Variants in ZNF25 observed in about 807,000 individuals in gnomAD.
The protein encoded by ZNF25 is zinc finger protein 25, also known as zinc finger protein 25 (KOX 19).
In ZNF25, 21 loss-of-function variants were observed where a neutral mutation model predicts 30.9. That is an observed-to-expected ratio of 0.68 (90% CI 0.48 to 0.98). The LOEUF is 0.98. Ranked by LOEUF, ZNF25 falls within the 50% of genes least tolerant of loss-of-function variation. The probability of loss-of-function intolerance (pLI) is 0.00; values close to 1 mark genes in which losing one functional copy is unlikely to be tolerated. For synonymous variants in ZNF25, 169 were observed against 181.3 expected (o/e 0.93, Z 0.55); for missense variants, 501 against 529.9 (o/e 0.95, Z 0.54).
chr10:37,966,665 C>T (rs2063206821), intron 2 of ZNF25, among the ~76,000 whole-genome samples: 1 of 152,114 alleles, frequency 6.6e-6, no homozygotes, highest in Non-Finnish European at 1.5e-5. Flanking sequence ...TCAAGAACAG[C>T]AAGGGGGAAG....
intron 2 of ZNF25, among the ~76,000 whole-genome samples, chr10:37,960,663 A>ACCAGTAT (rs1487949208): frequency 6.7e-6 from 1 of 149,872 alleles, no homozygotes; most frequent in Non-Finnish European, 1.5e-5. Context: ...CTGTGGGAAC[A>ACCAGTAT]CCAGTATCCG....
At chr10:37,962,733 T>C (rs1487574774) in intron 2 of ZNF25, among the ~76,000 whole-genome samples, 1 of 152,074 alleles carries the variant, frequency 6.6e-6, no homozygotes, top group East Asian at 1.9e-4. Flanking sequence ...ATAGTTACAA[T>C]AGGCCCTACA....
In ZNF25 at chr10:37,951,069, C is replaced by T. The variant is rs1366619332; in HGVS notation, c.*1058G>A. 1 of 152,108 alleles carries T rather than the reference C, an allele frequency of 6.6e-6. No homozygotes were observed. The highest frequency in any genetic ancestry group is 2.4e-5 in the African/African-American group (1 of 41,402). The allele number at this position is 152,108 out of a possible 1,614,324, so 9.4% of individuals were successfully genotyped here. A position where few individuals can be genotyped will look rare whatever the true frequency, so the allele number is the denominator to read the frequency against. ...TGTCCCTAATGCAAAACTTGACTGA[C>T]ATTTGAAAATTTTACAAAAACATTT... On this transcript the variant is annotated 3_prime_UTR_variant, in exon 6 of 6. Coordinates refer to ENST00000302609, the MANE Select transcript of ZNF25 (RefSeq NM_145011.4).
intron 2 of ZNF25, among the ~76,000 whole-genome samples, chr10:37,964,130 G>A (rs1208651): frequency 0.06 from 9,118 of 152,222 alleles, 352 homozygotes; most frequent in Middle Eastern, 0.095. Flanking sequence ...GCAGATGCCA[G>A]TGCCATGCTT....
At chr10:37,971,928 A>T in intron 1 of ZNF25, 121 bp from the exon 2 acceptor site, 1 of 608,516 alleles carries the variant, frequency 1.6e-6, no homozygotes, top group Non-Finnish European at 2.9e-6. Context: ...TCCACTTCTG[A>T]CTCTGATATT....
chr10:37,971,709 T>A lies in ZNF25; in HGVS notation c.14A>T (p.Gln5Leu). MNKF[Q>L]GPVTLKDVIV... ...GTTAGGGCTAAGTAAATGACTCACC[T>A]GGAACTTGTTCATTTTCTGCTGCTC... Residue 5 changes from glutamine (Q) to leucine (L), a missense_variant and splice_region_variant, in exon 2 of 6, where the codon CAG becomes CTG. Transcript: ENST00000302609. 6.2e-7 allele frequency: 1 copy of A among 1,613,370 alleles called. No individual in the cohort carries two copies. The highest frequency in any genetic ancestry group is 8.5e-7 in the Non-Finnish European group (1 of 1,179,886).
chr10:37,966,358 G>A (rs2063184396), intron 2 of ZNF25, among the ~76,000 whole-genome samples: 2 of 151,588 alleles, frequency 1.3e-5, no homozygotes, highest in African/African-American at 2.4e-5. Flanking sequence ...AGGTTGCAGT[G>A]AGCCAAGATC....
chr10:37,971,689 G>T lies in ZNF25; in HGVS notation c.15+19C>A. The T allele has an allele frequency of 6.2e-7, 1 of 1,607,306 alleles. No individual in the cohort carries two copies. On this transcript the variant is annotated intron_variant, in intron 2 of 5. Coordinates refer to ENST00000302609, the MANE Select transcript of ZNF25 (RefSeq NM_145011.4). The stretch of plus-strand genomic sequence containing the variant: ...CACACACACAGTGAAACAAAGTTAG[G>T]GCTAAGTAAATGACTCACCTGGAAC...
intron 3 of ZNF25, 139 bp from the exon 4 acceptor site, chr10:37,957,254 G>T: frequency 8.0e-7 from 1 of 1,243,408 alleles, no homozygotes; most frequent in Non-Finnish European, 1.1e-6. Context: ...AGCGGGGAGA[G>T]AGGGACACAA....
intron 4 of ZNF25, among the ~76,000 whole-genome samples, chr10:37,955,117 G>A (rs1403275582): frequency 6.6e-6 from 1 of 151,698 alleles, no homozygotes; most frequent in East Asian, 1.9e-4. Flanking sequence ...TCGCACCACT[G>A]CATGCCAGCC....
Position 37,952,299 on chromosome 10 carries a change from C to T in ZNF25, c.1199G>A (p.Cys400Tyr). The T allele has an allele frequency of 1.9e-6, 3 of 1,613,706 alleles. No homozygotes were observed. Among genetic ancestry groups the T allele is most frequent in the Non-Finnish European group, 2.5e-6 (3 of 1,179,852 alleles). Reference protein sequence around the residue: ...RTHTGEKPYACKECGKSFSQK... With the variant: ...RTHTGEKPYAYKECGKSFSQK... ...AGAAAAGGACTTCCCACATTCCTTG[C>T]ATGCATAGGGCTTCTCTCCTGTGTG... The change falls in exon 6 of 6, where the codon TGC becomes TAC. Residue 400 changes from cysteine to tyrosine, a missense_variant. By Grantham distance (194) the Cys-to-Tyr change is radical. Coordinates refer to ENST00000302609, the MANE Select transcript of ZNF25 (RefSeq NM_145011.4).
intron 2 of ZNF25, 113 bp from the exon 3 acceptor site, chr10:37,957,659 T>C: frequency 1.6e-6 from 2 of 1,224,370 alleles, no homozygotes; most frequent in Non-Finnish European, 2.2e-6. Context: ...TTCTGGAGAG[T>C]TAGGATATTT....
At chr10:37,973,146 C>T (rs2135455523) in intron 1 of ZNF25, among the ~76,000 whole-genome samples, 1 of 146,282 alleles carries the variant, frequency 6.8e-6, no homozygotes, top group East Asian at 2.0e-4. Context: ...CCAGCCTAGG[C>T]AACAAGAGCA....
At chr10:37,962,975 T>G (rs2062971115) in intron 2 of ZNF25, among the ~76,000 whole-genome samples, 1 of 151,924 alleles carries the variant, frequency 6.6e-6, no homozygotes, top group Non-Finnish European at 1.5e-5. Context: ...CTTAGGGAGC[T>G]CTAAGAATTG....
At chr10:37,971,904 G>A in intron 1 of ZNF25, 97 bp from the exon 2 acceptor site, 1 of 742,950 alleles carries the variant, frequency 1.3e-6, no homozygotes, top group Non-Finnish European at 2.2e-6. Context: ...CCATGATGAA[G>A]TAGCACCCAC....
intron 2 of ZNF25, among the ~76,000 whole-genome samples, chr10:37,966,634 T>C (rs984035188): frequency 5.3e-5 from 8 of 152,154 alleles, no homozygotes; most frequent in Admixed American, 4.6e-4. Context: ...ACCCAGATCT[T>C]GTCAGAACTC....
chr10:37,957,099 C>T lies in ZNF25; in HGVS notation c.159G>A (p.Lys53=). ...GCTTCAACTTGAAGACTGCATTTGG[C>T]TTATTCACATGGTAACCTATGAATG... ...HLVSVGYHVN[K]PNAVFKLKQG... The change falls in exon 4 of 6, where the codon AAG becomes AAA. Residue 53 remains lysine (K), a synonymous_variant. Transcript: ENST00000302609. 1 of 1,613,938 alleles carries T rather than the reference C, an allele frequency of 6.2e-7. No individual in the cohort carries two copies. The highest frequency in any genetic ancestry group is 8.5e-7 in the Non-Finnish European group (1 of 1,179,950).
At chr10:37,959,172 T>C (rs1260726061) in intron 2 of ZNF25, among the ~76,000 whole-genome samples, 1 of 152,174 alleles carries the variant, frequency 6.6e-6, no homozygotes. Flanking sequence ...CCATTCACTG[T>C]GTAGATGAAA....
chr10:37,976,634 G>C lies in ZNF25; in HGVS notation c.-214C>G, dbSNP rs2063844632. The C allele has an allele frequency of 2.0e-5, 3 of 152,434 alleles. No homozygotes were observed. The highest frequency in any genetic ancestry group is 6.5e-5 in the Admixed American group (1 of 15,284). The allele number at this position is 152,434 out of a possible 1,614,324, so 9.4% of individuals were successfully genotyped here. On this transcript the variant is annotated 5_prime_UTR_variant, in exon 1 of 6. Coordinates refer to ENST00000302609, the MANE Select transcript of ZNF25 (RefSeq NM_145011.4). ...GGCGTAAGACCAAAAAAACGCCAAT[G>C]CCAGAAAGAAGACACTGCACATGCG...
Sources: gnomAD v4.1 joint callset for allele counts (sites outside exome capture counted in the v4.1 genomes callset) on GRCh38, gnomAD v4.1.1 for gene constraint, MANE v1.5 for transcripts, NCBI Gene and HGNC (gene_info 2026-07-23, HGNC 2026-07-21) for gene names.